Variants in ATXN7L1 observed in about 807,000 individuals in gnomAD.
The protein encoded by ATXN7L1 is ataxin 7 like 1.
A neutral mutation model predicts 70.8 loss-of-function variants in ATXN7L1; 15 were observed. The ratio of observed to expected loss-of-function variants is 0.21; its 90% CI spans 0.14 to 0.33. ATXN7L1 has a LOEUF of 0.33. ATXN7L1 is among the 10% of genes least tolerant of loss of function. ATXN7L1 has a pLI of 1.00. For missense variants in ATXN7L1, 975 were observed against 1,097.1 expected, an observed-to-expected ratio of 0.89 and a Z score of 1.57; for synonymous variants, 440 against 445.1, an observed-to-expected ratio of 0.99 and a Z score of 0.14.
chr7:105,790,836 A>T (rs1313145154), intron 2 of ATXN7L1, among the ~76,000 whole-genome samples: 2 of 152,050 alleles, frequency 1.3e-5, no homozygotes, highest in African/African-American at 4.8e-5. Flanking sequence ...TGGCTTTGAG[A>T]GGGCAGCCAT....
chr7:105,819,666 CG>C (rs1427173691), intron 2 of ATXN7L1: 5 of 943,662 alleles, frequency 5.3e-6, no homozygotes, highest in Non-Finnish European at 6.9e-6. Flanking sequence ...GGTCTTCCTC[CG>C]CAAGCAGATG....
intron 3 of ATXN7L1, among the ~76,000 whole-genome samples, chr7:105,754,108 T>C (rs1025810127): frequency 6.6e-6 from 1 of 152,176 alleles, no homozygotes; most frequent in African/African-American, 2.4e-5. Context: ...AAACGTGCTG[T>C]GCAAGAGGGA....
At chr7:105,778,507 T>C (rs1803052607) in intron 3 of ATXN7L1, among the ~76,000 whole-genome samples, 2 of 74,372 alleles carry the variant, frequency 2.7e-5, no homozygotes, top group South Asian at 5.9e-4. Context: ...GAAGACCCTA[T>C]CTCAAAAAAA....
chr7:105,772,658 C>T (rs988679561), intron 3 of ATXN7L1, among the ~76,000 whole-genome samples: 2 of 152,178 alleles, frequency 1.3e-5, no homozygotes, highest in Non-Finnish European at 2.9e-5. Context: ...GTCAGAGTTA[C>T]AGGAGAGACT....
chr7:105,618,436 A>T (rs1471874470), intron 9 of ATXN7L1, among the ~76,000 whole-genome samples: 1 of 152,112 alleles, frequency 6.6e-6, no homozygotes, highest in Non-Finnish European at 1.5e-5. Flanking sequence ...CCTTATAGTA[A>T]ATGTTAACAT....
At position 105,874,777 on chromosome 7, in the gene ATXN7L1, G is replaced by A. The variant is rs556130464; in HGVS notation, c.250+1035C>T. 3.3e-5 allele frequency among the ~76,000 whole-genome samples: 5 copies of A among 152,300 alleles called. No homozygotes were observed. The South Asian group carries it at 8.3e-4, about 25-fold the overall frequency. ...AAAATGAGTTCCATCTTTCCACGCA[G>A]GCTTCAGCTGCCTTCCAGGGTGACA... On this transcript the variant is annotated intron_variant, in intron 2 of 11. Coordinates refer to ENST00000419735, the MANE Select transcript of ATXN7L1 (RefSeq NM_020725.2).
intron 2 of ATXN7L1, among the ~76,000 whole-genome samples, chr7:105,844,755 T>A (rs1813723913): frequency 6.6e-6 from 1 of 152,104 alleles, no homozygotes; most frequent in Non-Finnish European, 1.5e-5. Flanking sequence ...ATAAATAAAA[T>A]GCATTCAGAT....
chr7:105,666,504 A>C (rs1440105213), intron 3 of ATXN7L1, among the ~76,000 whole-genome samples: 1 of 152,118 alleles, frequency 6.6e-6, no homozygotes, highest in Non-Finnish European at 1.5e-5. Context: ...GACCTGGGAG[A>C]TGCAAGCCTC....
chr7:105,857,602 T>G (rs948650210), intron 2 of ATXN7L1, among the ~76,000 whole-genome samples: 1 of 152,242 alleles, frequency 6.6e-6, no homozygotes, highest in Admixed American at 6.5e-5. Context: ...CCAGGCTAAA[T>G]ACTGTGCTCC....
At chr7:105,783,602 G>T (rs1803850122) in intron 3 of ATXN7L1, among the ~76,000 whole-genome samples, 1 of 152,116 alleles carries the variant, frequency 6.6e-6, no homozygotes, top group Non-Finnish European at 1.5e-5. Context: ...ATTCCAGATG[G>T]GTACACACAT....
At chr7:105,769,699 G>A (rs927524206) in intron 3 of ATXN7L1, among the ~76,000 whole-genome samples, 8 of 152,158 alleles carry the variant, frequency 5.3e-5, no homozygotes, top group Non-Finnish European at 1.0e-4. Context: ...AGGGCATACA[G>A]TATCTGAAGA....
intron 2 of ATXN7L1, among the ~76,000 whole-genome samples, chr7:105,795,956 C>T (rs924971695): frequency 6.6e-6 from 1 of 152,184 alleles, no homozygotes; most frequent in South Asian, 2.1e-4. Flanking sequence ...AAACATTATG[C>T]TTTTCATTTT....
At chr7:105,738,981 G>A (rs1257643928) in intron 3 of ATXN7L1, among the ~76,000 whole-genome samples, 2 of 152,088 alleles carry the variant, frequency 1.3e-5, no homozygotes, top group Non-Finnish European at 1.5e-5. Context: ...TGCAACCAAG[G>A]TCCATCCCTT....
chr7:105,632,921 TAAAAAA>T (rs11417434), intron 7 of ATXN7L1, among the ~76,000 whole-genome samples: 4 of 60,060 alleles, frequency 6.7e-5, no homozygotes, highest in South Asian at 1.0e-3. Flanking sequence ...ATCTTGTCTT[TAAAAAA>T]AAAAAAAAAA....
At chr7:105,874,764 A>C (rs1391817315) in intron 2 of ATXN7L1, among the ~76,000 whole-genome samples, 1 of 152,240 alleles carries the variant, frequency 6.6e-6, no homozygotes, top group African/African-American at 2.4e-5. Context: ...AATGAGTTCC[A>C]TCTTTCCACG....
chr7:105,800,900 G>A (rs1011120921), intron 2 of ATXN7L1, among the ~76,000 whole-genome samples: 1 of 152,128 alleles, frequency 6.6e-6, no homozygotes, highest in Non-Finnish European at 1.5e-5. Flanking sequence ...GCCTGAATTC[G>A]CTAAGTAAAA....
chr7:105,609,170 C>T (rs547186217), intron 11 of ATXN7L1, among the ~76,000 whole-genome samples: 3 of 152,022 alleles, frequency 2.0e-5, no homozygotes, highest in Non-Finnish European at 4.4e-5. Context: ...AAGGCCTCCC[C>T]CTCCTCTTTT....
chr7:105,642,654 G>A (rs1398274), intron 5 of ATXN7L1, among the ~76,000 whole-genome samples, 184 bp downstream of exon 5: 1,532 of 152,312 alleles, frequency 0.01, 18 homozygotes, highest in African/African-American at 0.035. Flanking sequence ...TCATCTGCCC[G>A]GGGAAGAAGA....
chr7:105,688,151 T>A (rs1283166178), intron 3 of ATXN7L1, among the ~76,000 whole-genome samples: 2 of 152,076 alleles, frequency 1.3e-5, no homozygotes, highest in African/African-American at 4.8e-5. Context: ...CACAACCAGA[T>A]ACATTGACTT....
Sources: allele counts gnomAD v4.1 joint callset (sites outside exome capture counted in the v4.1 genomes callset), GRCh38; gene constraint gnomAD v4.1.1; transcripts MANE v1.5; gene names NCBI Gene and HGNC (gene_info 2026-07-23, HGNC 2026-07-21).